SPIDR: variants seen among roughly 807,000 people sequenced by gnomAD.
The protein encoded by SPIDR is DNA repair-scaffolding protein.
A neutral mutation model predicts 104.6 loss-of-function variants in SPIDR; 93 were observed. The ratio of observed to expected loss-of-function variants is 0.89; its 90% CI spans 0.75 to 1.06. The LOEUF (loss-of-function observed/expected upper bound fraction) is 1.06. Among genes scored for constraint, SPIDR ranks in the 50% least tolerant of loss-of-function variants. The pLI, the probability that SPIDR is intolerant of heterozygous loss-of-function variation, is 0.00. For synonymous variants in SPIDR, 431 were observed against 416.9 expected (o/e 1.03, Z -0.41); for missense variants, 1,154 against 1,111.2 (o/e 1.04, Z -0.55).
Position 47,713,736 on chromosome 8 carries a change from C to T in SPIDR, c.2341+95C>T, listed in dbSNP as rs2082185324. On this transcript the variant is annotated intron_variant, in intron 16 of 19. Coordinates refer to ENST00000297423, the MANE Select transcript of SPIDR (RefSeq NM_001080394.4). ...ATTTATTCAACAAGTATTTGTGGAG[C>T]ACCCGCTAAGTTCCAGACACTGGAT... 4 of 1,493,368 alleles carry T rather than the reference C, an allele frequency of 2.7e-6. No individual in the cohort carries two copies. In the Admixed American group the frequency reaches 6.0e-5, roughly 22 times the overall value. The allele number at this position is 1,493,368 out of a possible 1,614,324, so 92.5% of individuals were successfully genotyped here. A position where few individuals can be genotyped will look rare whatever the true frequency, so the allele number is the denominator to read the frequency against.
chr8:47,560,851 C>A (rs1452247153), intron 8 of SPIDR, among the ~76,000 whole-genome samples: 1 of 152,172 alleles, frequency 6.6e-6, no homozygotes, highest in Non-Finnish European at 1.5e-5. Flanking sequence ...CCTCCAAAGA[C>A]ATACACAATT....
chr8:47,268,280 C>G (rs1263208617), intron 1 of SPIDR, among the ~76,000 whole-genome samples: 1 of 152,054 alleles, frequency 6.6e-6, no homozygotes, highest in Non-Finnish European at 1.5e-5. Flanking sequence ...GAGTTTCTGA[C>G]TTGTTTTCTG....
intron 11 of SPIDR, among the ~76,000 whole-genome samples, chr8:47,690,855 G>A (rs2078542708): frequency 6.6e-6 from 1 of 152,150 alleles, no homozygotes; most frequent in African/African-American, 2.4e-5. Flanking sequence ...CCTGTAAAAT[G>A]TGAGACATTC....
chr8:47,549,376 A>G (rs2090060291), intron 8 of SPIDR, among the ~76,000 whole-genome samples: 1 of 152,240 alleles, frequency 6.6e-6, no homozygotes, highest in Admixed American at 6.5e-5. Context: ...ACTAGTTTAC[A>G]GTCCCACCAA....
At chr8:47,487,908 G>T (rs561504414) in intron 8 of SPIDR, among the ~76,000 whole-genome samples, 5 of 152,242 alleles carry the variant, frequency 3.3e-5, no homozygotes, top group East Asian at 1.9e-4. Context: ...AAGCAGGAAA[G>T]ATCTAAAATT....
chr8:47,417,291 G>C (rs2064525225), intron 7 of SPIDR, among the ~76,000 whole-genome samples: 1 of 152,188 alleles, frequency 6.6e-6, no homozygotes, highest in Admixed American at 6.5e-5. Flanking sequence ...AGCACCTGTT[G>C]TTTCCTGACT....
intron 1 of SPIDR, among the ~76,000 whole-genome samples, chr8:47,271,648 C>T (rs1003912137): frequency 2.8e-4 from 43 of 151,966 alleles, no homozygotes; most frequent in African/African-American, 9.6e-4. Flanking sequence ...GATATAGTTT[C>T]CTTTATTTCT....
intron 8 of SPIDR, among the ~76,000 whole-genome samples, chr8:47,452,841 A>G (rs2072104876): frequency 1.3e-5 from 2 of 152,160 alleles, no homozygotes; most frequent in Non-Finnish European, 1.5e-5. Context: ...TATTCAACAT[A>G]GTGTTGGAAG....
chr8:47,696,490 G>A (rs994511734), intron 11 of SPIDR, among the ~76,000 whole-genome samples: 4 of 152,076 alleles, frequency 2.6e-5, no homozygotes, highest in South Asian at 2.1e-4. Flanking sequence ...TAAAGTTAAT[G>A]GCTCTGTCTT....
intron 8 of SPIDR, among the ~76,000 whole-genome samples, chr8:47,551,096 A>C (rs1427858979): frequency 6.6e-6 from 1 of 152,234 alleles, no homozygotes; most frequent in Non-Finnish European, 1.5e-5. Context: ...ATGTTGAACC[A>C]GCCTTGCATC....
intron 7 of SPIDR, among the ~76,000 whole-genome samples, chr8:47,431,695 T>C (rs2067393134): frequency 6.6e-6 from 1 of 152,232 alleles, no homozygotes; most frequent in South Asian, 2.1e-4. Context: ...AAGAGTTGGG[T>C]TTCAGATTTC....
At chr8:47,686,244 G>A (rs977845343) in intron 11 of SPIDR, among the ~76,000 whole-genome samples, 3 of 152,110 alleles carry the variant, frequency 2.0e-5, no homozygotes, top group Non-Finnish European at 4.4e-5. Flanking sequence ...TTAATAGCTT[G>A]CGGCAGTAGT....
At chr8:47,398,048 A>G (rs2061437608) in intron 6 of SPIDR, among the ~76,000 whole-genome samples, 1 of 152,092 alleles carries the variant, frequency 6.6e-6, no homozygotes, top group Non-Finnish European at 1.5e-5. Flanking sequence ...ATTTGTGCCT[A>G]CTCACCACGA....
At chr8:47,427,319 A>T (rs1351641970) in intron 7 of SPIDR, among the ~76,000 whole-genome samples, 7 of 149,526 alleles carry the variant, frequency 4.7e-5, no homozygotes, top group Non-Finnish European at 5.9e-5. Context: ...TTTTTTTTTT[A>T]AATATGCCTT....
intron 17 of SPIDR, 199 bp from the exon 18 acceptor site, chr8:47,728,734 T>TGCTACTCGA: frequency 1.9e-6 from 1 of 538,752 alleles, no homozygotes; most frequent in Non-Finnish European, 3.2e-6. Flanking sequence ...GTGCTACTCG[T>TGCTACTCGA]GCTACTCGAA....
intron 8 of SPIDR, among the ~76,000 whole-genome samples, chr8:47,590,696 T>C (rs1320847313): frequency 6.6e-6 from 1 of 152,226 alleles, no homozygotes; most frequent in African/African-American, 2.4e-5. Flanking sequence ...TGCTCTTCTG[T>C]ATTCTTTCTG....
At chr8:47,493,267 G>T (rs1046838005) in intron 8 of SPIDR, among the ~76,000 whole-genome samples, 2 of 152,020 alleles carry the variant, frequency 1.3e-5, no homozygotes, top group African/African-American at 4.8e-5. Flanking sequence ...TGACATTGTG[G>T]AAAAACTCAT....
chr8:47,546,206 T>G lies in SPIDR; in HGVS notation c.1098-49605T>G, dbSNP rs867179717. On this transcript the variant is annotated intron_variant, in intron 8 of 19. Coordinates refer to ENST00000297423, the MANE Select transcript of SPIDR (RefSeq NM_001080394.4). ...TACTAATTGTTTCTTAAGTGTTTGG[T>G]AGAATTCAATAATGAAGGTGTCTGA... 9.9e-5 allele frequency among the ~76,000 whole-genome samples: 15 copies of G among 151,542 alleles called. No homozygotes were observed. In the South Asian group the frequency reaches 2.5e-3, roughly 25 times the overall value.
At chr8:47,545,781 C>T (rs2089252537) in intron 8 of SPIDR, among the ~76,000 whole-genome samples, 1 of 152,044 alleles carries the variant, frequency 6.6e-6, no homozygotes, top group African/African-American at 2.4e-5. Context: ...TATAGATGTT[C>T]TCTACCAAAT....
Sources: gnomAD v4.1 joint callset for allele counts (sites outside exome capture counted in the v4.1 genomes callset) on GRCh38, gnomAD v4.1.1 for gene constraint, MANE v1.5 for transcripts, NCBI Gene and HGNC (gene_info 2026-07-23, HGNC 2026-07-21) for gene names.